The following CNTNAP2 variants were observed in gnomAD, a reference collection of about 807,000 sequenced individuals.
The protein encoded by CNTNAP2 is contactin associated protein 2.
CNTNAP2 carries 98 observed loss-of-function variants against 155.2 expected under a neutral mutation model. That is an observed-to-expected ratio of 0.63 (90% confidence interval 0.54 to 0.75). The LOEUF (loss-of-function observed/expected upper bound fraction) is 0.75. CNTNAP2 is among the 30% of genes least tolerant of loss of function. CNTNAP2 has a pLI of 0.00. For missense variants in CNTNAP2, 1,727 were observed against 1,688.1 expected, an observed-to-expected ratio of 1.02 and a Z score of -0.40; for synonymous variants, 651 against 631.2, an observed-to-expected ratio of 1.03 and a Z score of -0.47.
intron 15 of CNTNAP2, among the ~76,000 whole-genome samples, chr7:148,062,013 G>C (rs1563185665): frequency 7.8e-6 from 1 of 128,944 alleles, no homozygotes; most frequent in African/African-American, 3.0e-5. Context: ...ATAGATGATA[G>C]AGAGAGAGAG....
At chr7:146,999,251 A>T (rs1211989835) in intron 3 of CNTNAP2, among the ~76,000 whole-genome samples, 1 of 151,218 alleles carries the variant, frequency 6.6e-6, no homozygotes, top group Non-Finnish European at 1.5e-5. Context: ...TGCAAAAAAA[A>T]AAAAAAAGAC....
At chr7:147,175,997 A>G (rs758354612) in intron 8 of CNTNAP2, among the ~76,000 whole-genome samples, 55 of 152,312 alleles carry the variant, frequency 3.6e-4, no homozygotes, top group Admixed American at 2.8e-3. Flanking sequence ...TACCTGGAGT[A>G]AAGAAGGACA....
At position 146,437,012 on chromosome 7, in the gene CNTNAP2, G is replaced by A. The variant is rs556457767; in HGVS notation, c.97+320039G>A. The stretch of plus-strand genomic sequence containing the variant: ...GGGCCACAGACTGATGCTGGTGTAT[G>A]GCCTGTTAGGAACCGGGCCGCACGG... On this transcript the variant is annotated intron_variant, in intron 1 of 23. Transcript: ENST00000361727. 1.9e-3 allele frequency among the ~76,000 whole-genome samples: 285 copies of A among 151,590 alleles called. 13 individuals are homozygous for A. Among genetic ancestry groups the A allele is most frequent in the African/African-American group, 6.9e-3 (281 of 40,916 alleles).
intron 1 of CNTNAP2, among the ~76,000 whole-genome samples, chr7:146,504,812 C>A (rs943682746): frequency 2.3e-4 from 35 of 152,208 alleles, no homozygotes; most frequent in Admixed American, 1.1e-3. Flanking sequence ...TATGACCATA[C>A]TGTGTCTCCA....
chr7:147,136,003 T>G (rs1427709204), intron 8 of CNTNAP2, among the ~76,000 whole-genome samples: 1 of 151,544 alleles, frequency 6.6e-6, no homozygotes, highest in African/African-American at 2.4e-5. Context: ...AAAGCATTAA[T>G]GTACATTACT....
chr7:147,640,428 C>T (rs1795253683), intron 13 of CNTNAP2, among the ~76,000 whole-genome samples: 2 of 152,030 alleles, frequency 1.3e-5, no homozygotes, highest in African/African-American at 4.8e-5. Flanking sequence ...AGGTAATATA[C>T]TAGGTACTTA....
At chr7:147,123,297 T>C (rs1325967363) in intron 6 of CNTNAP2, among the ~76,000 whole-genome samples, 2 of 152,224 alleles carry the variant, frequency 1.3e-5, no homozygotes, top group East Asian at 1.9e-4. Context: ...TGAAGTACCA[T>C]AGAAGAGGTG....
At chr7:148,264,701 T>A (rs1307221409) in intron 20 of CNTNAP2, among the ~76,000 whole-genome samples, 2 of 152,194 alleles carry the variant, frequency 1.3e-5, no homozygotes, top group African/African-American at 2.4e-5. Flanking sequence ...TTTTTTGTTT[T>A]GTTTTTTTTG....
intron 8 of CNTNAP2, among the ~76,000 whole-genome samples, chr7:147,257,689 T>C (rs1312913366): frequency 6.6e-6 from 1 of 152,210 alleles, no homozygotes; most frequent in Non-Finnish European, 1.5e-5. Flanking sequence ...AGTCCACAGA[T>C]CAGCATGAGC....
intron 1 of CNTNAP2, among the ~76,000 whole-genome samples, chr7:146,558,839 G>A (rs1798236686): frequency 6.6e-6 from 1 of 152,142 alleles, no homozygotes; most frequent in Non-Finnish European, 1.5e-5. Context: ...TCACCTAAGT[G>A]GTACCATGTA....
At chr7:146,671,956 C>T (rs976626413) in intron 1 of CNTNAP2, among the ~76,000 whole-genome samples, 10 of 152,016 alleles carry the variant, frequency 6.6e-5, no homozygotes, top group South Asian at 4.2e-4. Context: ...GTTGGGATTA[C>T]AGGTGCCTGC....
intron 15 of CNTNAP2, among the ~76,000 whole-genome samples, chr7:148,043,568 G>A (rs925094611): frequency 2.6e-5 from 4 of 152,008 alleles, no homozygotes; most frequent in Admixed American, 2.0e-4. Context: ...TTTTTTCTTC[G>A]GCTCTGTAGT....
intron 11 of CNTNAP2, among the ~76,000 whole-genome samples, chr7:147,496,460 A>G (rs4725741): frequency 0.29 from 43,630 of 152,110 alleles, 6,385 homozygotes; most frequent in East Asian, 0.43. Flanking sequence ...TTCTTTAACT[A>G]TTAACATTTC....
intron 1 of CNTNAP2, among the ~76,000 whole-genome samples, chr7:146,129,959 C>G (rs1797691035): frequency 6.6e-6 from 1 of 152,140 alleles, no homozygotes; most frequent in Non-Finnish European, 1.5e-5. Context: ...GCCAAGCAAA[C>G]AGCAGGAAAA....
chr7:147,252,790 A>T (rs1352253895), intron 8 of CNTNAP2, among the ~76,000 whole-genome samples: 2 of 152,216 alleles, frequency 1.3e-5, no homozygotes, highest in Non-Finnish European at 2.9e-5. Context: ...TTTACAAAAA[A>T]TCATCCCAAT....
At chr7:146,959,719 A>C (rs1458378502) in intron 3 of CNTNAP2, among the ~76,000 whole-genome samples, 1 of 151,466 alleles carries the variant, frequency 6.6e-6, no homozygotes, top group Non-Finnish European at 1.5e-5. Context: ...GTCTCAAAAA[A>C]AAAAAAAAAA....
chr7:146,186,189 A>C (rs974455654), intron 1 of CNTNAP2, among the ~76,000 whole-genome samples: 1 of 152,156 alleles, frequency 6.6e-6, no homozygotes, highest in Non-Finnish European at 1.5e-5. Context: ...ATGTTTGCCT[A>C]TTTCCATTTT....
In CNTNAP2 at chr7:146,454,753, T is replaced by C. The variant is rs574001248; in HGVS notation, c.98-319518T>C. 4.6e-5 allele frequency among the ~76,000 whole-genome samples: 7 copies of C among 152,058 alleles called. No individual in the cohort carries two copies. The East Asian group carries it at 1.4e-3, about 29-fold the overall frequency. On this transcript the variant is annotated intron_variant, in intron 1 of 23. Coordinates refer to ENST00000361727, the MANE Select transcript of CNTNAP2 (RefSeq NM_014141.6). ...GAGATAGATAGATAGATTAGATAGATAGATAAGATAGATTAGATCATAGAT... is the reference window on the plus strand; with the variant it reads ...GAGATAGATAGATAGATTAGATAGACAGATAAGATAGATTAGATCATAGAT...
At position 147,154,531 on chromosome 7, in the gene CNTNAP2, G is replaced by A. The variant is rs1359207126; in HGVS notation, c.1348+22022G>A. Among the ~76,000 whole-genome samples the A allele has an allele frequency of 3.3e-5, 5 of 152,120 alleles. No individual in the cohort carries two copies. The East Asian group carries it at 9.6e-4, about 29-fold the overall frequency. ...TAGACACTGATAGATAATACTTGCT[G>A]ACTTTTAAATCATCTTCCATTTTAT... On this transcript the variant is annotated intron_variant, in intron 8 of 23. Transcript: ENST00000361727.
Sources: gnomAD v4.1 joint callset for allele counts (sites outside exome capture counted in the v4.1 genomes callset) on GRCh38, gnomAD v4.1.1 for gene constraint, MANE v1.5 for transcripts, NCBI Gene and HGNC (gene_info 2026-07-23, HGNC 2026-07-21) for gene names.